OGDHL: variants seen among roughly 807,000 people sequenced by gnomAD.
The protein encoded by OGDHL is 2-oxoglutarate dehydrogenase-like, mitochondrial.
OGDHL carries 79 observed loss-of-function variants against 109.6 expected under a neutral mutation model. The observed-to-expected ratio is 0.72, with a 90% CI of 0.60 to 0.87. OGDHL has a LOEUF of 0.87. OGDHL is among the 40% of genes least tolerant of loss of function. The probability of loss-of-function intolerance (pLI) is 0.00; values close to 1 mark genes in which losing one functional copy is unlikely to be tolerated. For missense variants in OGDHL, 1,275 were observed against 1,362.2 expected (o/e 0.94, Z 1.01); for synonymous variants, 528 against 537.2 (o/e 0.98, Z 0.24).
intron 7 of OGDHL, 139 bp downstream of exon 7, chr10:49,750,700 G>A: frequency 8.4e-7 from 1 of 1,197,264 alleles, no homozygotes; most frequent in Non-Finnish European, 1.1e-6. Context: ...CCAGGCCCAG[G>A]ACTCAGAACT....
chr10:49,762,360 G>T (rs1843359039), upstream of OGDHL: 1 of 152,154 alleles, frequency 6.6e-6, no homozygotes, highest in Admixed American at 6.5e-5. Flanking sequence ...GCCGCCCACG[G>T]GCGCGCGCCC....
chr10:49,751,957 G>A lies in OGDHL; in HGVS notation c.619C>T (p.Leu207=), dbSNP rs762233351. Residue 207 remains leucine (L), a synonymous_variant, in exon 6 of 23, where the codon CTG becomes TTG. Transcript: ENST00000374103. The part of the protein sequence containing the change: ...LENTYCQHIG[L]EFMFINDVEQ... ...ACATCGTTGATGAACATGAACTCCA[G>A]GCCAATGTGCTGGCAGTAGGTGTTC... is the stretch of plus-strand genomic sequence containing the variant. 9.9e-6 allele frequency: 16 copies of A among 1,614,050 alleles called. No individual in the cohort carries two copies. The highest frequency in any genetic ancestry group is 8.5e-6 in the Non-Finnish European group (10 of 1,180,034).
In OGDHL at chr10:49,758,294, G is replaced by C. The variant is rs1843035333; in HGVS notation, c.204+95C>G. 3.2e-6 allele frequency: 4 copies of C among 1,256,130 alleles called. No individual in the cohort carries two copies. In the South Asian group the frequency reaches 5.6e-5, roughly 18 times the overall value. 77.8% of individuals were successfully genotyped at this position (1,256,130 alleles called of 1,614,324 possible). ...AAAGAAACCTGCCCAGGATCACACA[G>C]CAGGCAAGCTGCTTCTCCCCACTGC... On this transcript the variant is annotated intron_variant, in intron 2 of 22. Transcript: ENST00000374103.
intron 10 of OGDHL, 21 bp from the exon 11 acceptor site, chr10:49,745,998 T>C: frequency 1.2e-6 from 2 of 1,610,926 alleles, no homozygotes; most frequent in Non-Finnish European, 1.7e-6. Context: ...AGGAGAAACC[T>C]GCTGCGCCTC....
At chr10:49,746,137 G>T (rs568524945) in intron 10 of OGDHL, among the ~76,000 whole-genome samples, 160 bp from the exon 11 acceptor site, 1 of 152,286 alleles carries the variant, frequency 6.6e-6, no homozygotes, top group South Asian at 2.1e-4. Flanking sequence ...CCCACAATTA[G>T]ACACGGCAAC....
Position 49,747,094 on chromosome 10 carries a change from C to T in OGDHL, c.1102G>A (p.Asp368Asn). Residue 368 changes from aspartate (D) to asparagine (N), a missense_variant, in exon 9 of 23, where the codon GAC (aspartate) becomes AAC (asparagine). Coordinates refer to ENST00000374103, the MANE Select transcript of OGDHL (RefSeq NM_018245.3). Reference protein sequence around the residue: ...VANPSHLEAVDPVVQGKTKAE... With the variant: ...VANPSHLEAVNPVVQGKTKAE... Reference sequence around the variant, plus strand: ...TTTGTCTTCCCCTGCACCACAGGGTCCACTGCCTCCAGGTGGGAGGGGTTG... The same window carrying T: ...TTTGTCTTCCCCTGCACCACAGGGTTCACTGCCTCCAGGTGGGAGGGGTTG... 1.2e-6 allele frequency: 2 copies of T among 1,614,224 alleles called. No homozygotes were observed. The highest frequency in any genetic ancestry group is 4.5e-5 in the East Asian group (2 of 44,874).
chr10:49,748,742 C>CCACACACACA (rs3223401), intron 8 of OGDHL, among the ~76,000 whole-genome samples: 4,348 of 133,838 alleles, frequency 0.032, 109 homozygotes, highest in Non-Finnish European at 0.043. Flanking sequence ...AGGTATGGGT[C>CCACACACACA]CACACACACA....
In OGDHL at chr10:49,752,227, G is replaced by A; in HGVS notation, c.500C>T (p.Ala167Val). The A allele has an allele frequency of 6.2e-7, 1 of 1,614,006 alleles. No individual in the cohort carries two copies. The highest frequency in any genetic ancestry group is 1.1e-5 in the South Asian group (1 of 91,074). ...CAGCTGGAACTCCTTATCAAGGTCA[G>A]CCTCCTGAAGGTCATAGAAGGCTGG... is the stretch of plus-strand genomic sequence containing the variant. ...DKLAFYDLQE[A>V]DLDKEFQLPT... The change falls in exon 5 of 23, where the codon GCT becomes GTT. Residue 167 changes from alanine to valine, a missense_variant. Coordinates refer to ENST00000374103, the MANE Select transcript of OGDHL (RefSeq NM_018245.3).
chr10:49,747,803 A>G (rs1160800602), intron 8 of OGDHL, among the ~76,000 whole-genome samples: 5 of 152,236 alleles, frequency 3.3e-5, no homozygotes, highest in African/African-American at 9.6e-5. Flanking sequence ...AATTCCCTCA[A>G]TGTACAAAAC....
At position 49,756,964 on chromosome 10, in the gene OGDHL, A is replaced by G. The variant is rs2133097879; in HGVS notation, c.205-18T>C. 2 of 1,606,946 alleles carry G rather than the reference A, an allele frequency of 1.2e-6. No individual in the cohort carries two copies. Among genetic ancestry groups the G allele is most frequent in the Non-Finnish European group, 1.7e-6 (2 of 1,175,818 alleles). On this transcript the variant is annotated intron_variant, in intron 2 of 22. Transcript: ENST00000374103. ...TCCCAGGACTAGGCAGGGCAGAAAC[A>G]AGAACGCAGCCAGGTCAGGGCCTGG...
chr10:49,744,043 G>C lies in OGDHL; in HGVS notation c.1812C>G (p.Ile604Met), dbSNP rs762784433. ...GGGGCACAGAGCTGGCCACACTGCCGATGTGGGTGAGCATGTCCTCAGGGA... is the reference window on the plus strand; with the variant it reads ...GGGGCACAGAGCTGGCCACACTGCCCATGTGGGTGAGCATGTCCTCAGGGA... ...TGIPEDMLTH[I>M]GSVASSVPLE... Residue 604 changes from isoleucine (I) to methionine (M), a missense_variant, in exon 14 of 23, where the codon ATC becomes ATG. Transcript: ENST00000374103. The C allele has an allele frequency of 6.2e-7, 1 of 1,614,108 alleles. No individual in the cohort carries two copies. The highest frequency in any genetic ancestry group is 1.3e-5 in the African/African-American group (1 of 75,066).
chr10:49,745,956 G>A lies in OGDHL; in HGVS notation c.1318C>T (p.Arg440Ter), dbSNP rs367844237. The A allele has an allele frequency of 2.7e-5, 44 of 1,613,980 alleles. No homozygotes were observed. Among genetic ancestry groups the A allele is most frequent in the Non-Finnish European group, 3.4e-5 (40 of 1,180,012 alleles). ...GGGTATGGTGAGGAGCGGGCCATTC[G>A]GGGGTCTGTGGTGAATCCAATCTGC... ...NNQIGFTTDP[R>*]MARSSPYPTD... Residue 440 changes from arginine (R) to a stop codon, truncating the protein, a stop_gained, in exon 11 of 23, where the codon CGA becomes TGA. Coordinates refer to ENST00000374103, the MANE Select transcript of OGDHL (RefSeq NM_018245.3). LOFTEE classifies it high-confidence loss of function.
rs1197530686 is a variant in OGDHL, at chr10:49,750,912, G to A, written c.823C>T (p.Pro275Ser). The A allele has an allele frequency of 1.2e-6, 2 of 1,612,450 alleles. No homozygotes were observed. The highest frequency in any genetic ancestry group is 3.3e-5 in the Admixed American group (2 of 59,852). ...TTGTCGATGATGGTCTTGAGGGCAGGAATCATCACTTCACAGCCCTCCAGG... is the reference window on the plus strand; with the variant it reads ...TTGTCGATGATGGTCTTGAGGGCAGAAATCATCACTTCACAGCCCTCCAGG... ...FGLEGCEVMI[P>S]ALKTIIDKSS... The change falls in exon 7 of 23, where the codon CCT (proline) becomes TCT (serine). Residue 275 changes from proline to serine, a missense_variant. Pro to Ser is a moderately conservative substitution (Grantham distance 74). Coordinates refer to ENST00000374103, the MANE Select transcript of OGDHL (RefSeq NM_018245.3).
Position 49,742,925 on chromosome 10 carries a change from C to G in OGDHL, c.1915G>C (p.Asp639His). 1.2e-6 allele frequency: 2 copies of G among 1,614,050 alleles called. No individual in the cohort carries two copies. Among genetic ancestry groups the G allele is most frequent in the Non-Finnish European group, 1.7e-6 (2 of 1,180,006 alleles). Residue 639 changes from aspartate to histidine, a missense_variant, in exon 15 of 23, where the codon GAC (aspartate) becomes CAC (histidine). Physicochemically the swap from Asp to His is moderately conservative, Grantham distance 81. Coordinates refer to ENST00000374103, the MANE Select transcript of OGDHL (RefSeq NM_018245.3). The stretch of plus-strand genomic sequence containing the variant: ...GCCATGTACTCTGCCAACGCCCAGT[C>G]CACCGTCCGGTTCTTGGTCATGTCC... ...RADMTKNRTV[D>H]WALAEYMAFG...
At position 49,751,867 on chromosome 10, in the gene OGDHL, C is replaced by T. The variant is rs1262938712; in HGVS notation, c.709G>A (p.Glu237Lys). 10 of 1,614,160 alleles carry T rather than the reference C, an allele frequency of 6.2e-6. No individual in the cohort carries two copies. The highest frequency in any genetic ancestry group is 1.1e-5 in the South Asian group (1 of 91,076). ...AGCCGGGCCAGCAGGGTCCGCTTCT[C>T]CTCGCTGGAGAACTGCATCACACCA... is the stretch of plus-strand genomic sequence containing the variant. ...TPGVMQFSSE[E>K]KRTLLARLVR... The change falls in exon 6 of 23, where the codon GAG becomes AAG. Residue 237 changes from glutamate (E) to lysine (K), a missense_variant. Glu to Lys is a moderately conservative substitution (Grantham distance 56). Transcript: ENST00000374103.
In OGDHL at chr10:49,752,871, G is replaced by A. The variant is rs188651434; in HGVS notation, c.376-131C>T. On this transcript the variant is annotated intron_variant, in intron 3 of 22. Transcript: ENST00000374103. Reference sequence around the variant, plus strand: ...AAGCTTCCCCATGTCTCTGCCCCGCGGCTACTTCACTGCTGCCTGCGAGAC... The same window carrying A: ...AAGCTTCCCCATGTCTCTGCCCCGCAGCTACTTCACTGCTGCCTGCGAGAC... 1,386 of 652,262 alleles carry A rather than the reference G, an allele frequency of 2.1e-3. 5 individuals are homozygous for A. The highest frequency in any genetic ancestry group is 0.017 in the Middle Eastern group (41 of 2,468). 40.4% of individuals were successfully genotyped at this position (652,262 alleles called of 1,614,324 possible).
intron 10 of OGDHL, 83 bp from the exon 11 acceptor site, chr10:49,746,060 G>A (rs1197375330): frequency 1.4e-6 from 2 of 1,466,170 alleles, no homozygotes; most frequent in Admixed American, 2.0e-5. Context: ...ACTGAGCAGG[G>A]GGATGCTCAA....
intron 8 of OGDHL, among the ~76,000 whole-genome samples, 178 bp from the exon 9 acceptor site, chr10:49,747,386 G>T (rs1842275089): frequency 6.6e-6 from 1 of 152,208 alleles, no homozygotes; most frequent in African/African-American, 2.4e-5. Context: ...TCACTGGCCT[G>T]AGGGAGGAAG....
chr10:49,740,823 A>G lies in OGDHL; in HGVS notation c.2027T>C (p.Val676Ala). Residue 676 changes from valine to alanine, a missense_variant, in exon 16 of 23, where the codon GTT becomes GCT. Coordinates refer to ENST00000374103, the MANE Select transcript of OGDHL (RefSeq NM_018245.3). ...GCGGTCAACCTCCTGGTCATGGAGA[A>G]CATGGTGCCGGTGACTGCAGAGACA... is the stretch of plus-strand genomic sequence containing the variant. ...ERGTFSHRHH[V>A]LHDQEVDRRT... 1 of 1,613,900 alleles carries G rather than the reference A, an allele frequency of 6.2e-7. No homozygotes were observed. Among genetic ancestry groups the G allele is most frequent in the South Asian group, 1.1e-5 (1 of 91,086 alleles).
Sources: allele counts gnomAD v4.1 joint callset (sites outside exome capture counted in the v4.1 genomes callset), GRCh38; gene constraint gnomAD v4.1.1; transcripts MANE v1.5; gene names NCBI Gene and HGNC (gene_info 2026-07-23, HGNC 2026-07-21).